ANKS1B: variants seen among roughly 807,000 people sequenced by gnomAD.
ANKS1B encodes the protein ankyrin repeat and sterile alpha motif domain containing 1B, also known as ankyrin repeat and sterile alpha motif domain-containing protein 1B.
ANKS1B carries 36 observed loss-of-function variants against 148.3 expected under a neutral mutation model. The ratio of observed to expected loss-of-function variants is 0.24; its 90% CI spans 0.19 to 0.32. The LOEUF (loss-of-function observed/expected upper bound fraction) is 0.32, where lower values mean the gene tolerates loss of function less well. Ranked by LOEUF, ANKS1B falls within the 10% of genes least tolerant of loss-of-function variation. The pLI is 1.00. For synonymous variants in ANKS1B, 542 were observed against 560.8 expected (o/e 0.97, Z 0.47); for missense variants, 1,157 against 1,542.6 (o/e 0.75, Z 4.19).
At chr12:99,144,884 C>G (rs924127325) in intron 15 of ANKS1B, among the ~76,000 whole-genome samples, 1 of 152,024 alleles carries the variant, frequency 6.6e-6, no homozygotes, top group African/African-American at 2.4e-5. Context: ...GGAACCAACC[C>G]TGCTGGCACT....
chr12:99,260,282 T>A (rs546348305), intron 12 of ANKS1B, among the ~76,000 whole-genome samples: 56 of 152,320 alleles, frequency 3.7e-4, no homozygotes, highest in Non-Finnish European at 7.5e-4. Flanking sequence ...AGAAACTATT[T>A]TTAATTACTC....
chr12:99,257,683 C>G lies in ANKS1B; in HGVS notation c.1757-10819G>C, dbSNP rs145858437. ...TCTGTGTTATTTTTGTTGATATCTACTTATAGTGGTTTGCTTTTCAAGGTA... is the reference window on the plus strand; with the variant it reads ...TCTGTGTTATTTTTGTTGATATCTAGTTATAGTGGTTTGCTTTTCAAGGTA... On this transcript the variant is annotated intron_variant, in intron 12 of 26. Coordinates refer to ENST00000683438, the MANE Select transcript of ANKS1B (RefSeq NM_001352186.2). Among the ~76,000 whole-genome samples, 53 of 152,058 alleles carry G rather than the reference C, an allele frequency of 3.5e-4. 2 individuals carry two copies. The East Asian group carries it at 0.01, about 29-fold the overall frequency.
chr12:99,255,207 TGAAGTTTTTTA>T (rs1444355916), intron 12 of ANKS1B, among the ~76,000 whole-genome samples: 2 of 152,162 alleles, frequency 1.3e-5, no homozygotes, highest in Non-Finnish European at 2.9e-5. Context: ...TATACCTTTT[TGAAGTTTTTTA>T]AAGTTTTAAT....
rs3049844 is a variant in ANKS1B, at chr12:98,800,675, G to GATATATATATATATATATATATATATAT, written c.3270+321_3270+322insATATATATATATATATATATATATATAT. Among the ~76,000 whole-genome samples the GATATATATATATATATATATATATATAT allele has an allele frequency of 1.1e-3, 113 of 99,638 alleles. 5 individuals are homozygous for GATATATATATATATATATATATATATAT. Among genetic ancestry groups the GATATATATATATATATATATATATATAT allele is most frequent in the African/African-American group, 2.5e-3 (73 of 29,474 alleles). 65.4% of individuals were successfully genotyped at this position (99,638 alleles called of 152,430 possible). A position where few individuals can be genotyped will look rare whatever the true frequency, so the allele number is the denominator to read the frequency against. On this transcript the variant is annotated intron_variant, in intron 21 of 26. Transcript: ENST00000683438. ...ACCCAGTGTTTGGTGAGTGAGCAGA[G>GATATATATATATATATATATATATATAT]ATATATATATATATATGCCATATTT...
intron 25 of ANKS1B, among the ~76,000 whole-genome samples, chr12:98,759,874 G>A (rs559019041): frequency 6.6e-6 from 1 of 152,220 alleles, no homozygotes; most frequent in East Asian, 1.9e-4. Context: ...CAGCTACTCG[G>A]GGGGCTGAGG....
chr12:99,482,788 G>A (rs1053216282), intron 10 of ANKS1B, among the ~76,000 whole-genome samples: 5 of 151,996 alleles, frequency 3.3e-5, no homozygotes, highest in East Asian at 3.9e-4. Flanking sequence ...AAGGGATTGA[G>A]TTATTGATTT....
At chr12:98,739,885 T>G (rs1419541863), downstream of ANKS1B, among the ~76,000 whole-genome samples, 1 of 152,238 alleles carries the variant, frequency 6.6e-6, no homozygotes, top group Admixed American at 6.5e-5. Context: ...CTGCTGCTTC[T>G]GCTCCATGGC....
Position 99,403,429 on chromosome 12 carries a change from T to C in ANKS1B, c.1576-3618A>G, listed in dbSNP as rs1399338701. Among the ~76,000 whole-genome samples, 2 of 144,520 alleles carry C rather than the reference T, an allele frequency of 1.4e-5. 1 individual carries two copies. The highest frequency in any genetic ancestry group is 3.0e-5 in the Non-Finnish European group (2 of 65,750). 94.8% of individuals were successfully genotyped at this position (144,520 alleles called of 152,430 possible). A position where few individuals can be genotyped will look rare whatever the true frequency, so the allele number is the denominator to read the frequency against. On this transcript the variant is annotated intron_variant, in intron 11 of 26. Transcript: ENST00000683438. ...ACCTCATCCTCCCAAAGTGCTGGGA[T>C]TACAGGCGTGAACGACCATACCCAG...
At chr12:99,057,971 G>GA (rs965481830) in intron 16 of ANKS1B, among the ~76,000 whole-genome samples, 14 of 152,004 alleles carry the variant, frequency 9.2e-5, no homozygotes, top group Non-Finnish European at 1.8e-4. Flanking sequence ...CCGTGAGTAA[G>GA]AAAAAAATAT....
chr12:99,806,563 G>C lies in ANKS1B; in HGVS notation c.510C>G (p.Leu170=). The change falls in exon 4 of 27, where the codon CTC becomes CTG. Residue 170 remains leucine, a synonymous_variant. Transcript: ENST00000683438. ...TTTTTACCACTCTAAGCCGTCCGTAGAGTGCCGCCAAGTCCAAAGGTGTTT... is the reference window on the plus strand; with the variant it reads ...TTTTTACCACTCTAAGCCGTCCGTACAGTGCCGCCAAGTCCAAAGGTGTTT... The part of the protein sequence containing the change: ...KLETPLDLAA[L]YGRLRVVKMI... The C allele has an allele frequency of 1.2e-6, 2 of 1,613,950 alleles. No homozygotes were observed.
At chr12:99,688,076 C>A (rs2098659467) in intron 8 of ANKS1B, among the ~76,000 whole-genome samples, 1 of 152,216 alleles carries the variant, frequency 6.6e-6, no homozygotes. Flanking sequence ...TCTGAGTACT[C>A]TTCCAGTGCC....
intron 8 of ANKS1B, among the ~76,000 whole-genome samples, chr12:99,740,893 T>G (rs1480095693): frequency 6.6e-6 from 1 of 152,006 alleles, no homozygotes; most frequent in Non-Finnish European, 1.5e-5. Flanking sequence ...TCCCACTGTT[T>G]TTACAACCCA....
intron 17 of ANKS1B, among the ~76,000 whole-genome samples, chr12:98,918,871 T>C (rs1021223029): frequency 6.6e-6 from 1 of 152,246 alleles, no homozygotes; most frequent in Non-Finnish European, 1.5e-5. Flanking sequence ...AGCTTGTTTA[T>C]GTCTTTTTGT....
At chr12:99,772,883 G>A in intron 8 of ANKS1B, 39 bp downstream of exon 8, 1 of 1,584,976 alleles carries the variant, frequency 6.3e-7, no homozygotes, top group Non-Finnish European at 8.6e-7. Flanking sequence ...AACTGGCAAA[G>A]ACAGACACAT....
At chr12:99,400,242 A>AT (rs2094366839) in intron 11 of ANKS1B, among the ~76,000 whole-genome samples, 2 of 113,048 alleles carry the variant, frequency 1.8e-5, no homozygotes, top group African/African-American at 3.7e-5. Context: ...AGGCAGTTCC[A>AT]TTTTTTTATT....
At chr12:98,747,915 T>C (rs534146509) in intron 26 of ANKS1B, among the ~76,000 whole-genome samples, 9 of 152,040 alleles carry the variant, frequency 5.9e-5, no homozygotes, top group South Asian at 4.2e-4. Flanking sequence ...CTCATGGAGA[T>C]TGAGTAGAAT....
chr12:99,202,394 T>C (rs1044410146), intron 14 of ANKS1B, among the ~76,000 whole-genome samples: 2 of 152,204 alleles, frequency 1.3e-5, no homozygotes, highest in African/African-American at 2.4e-5. Context: ...TTTACACACA[T>C]TGGCTACTTC....
chr12:98,971,008 A>G (rs1243579916), intron 17 of ANKS1B, among the ~76,000 whole-genome samples: 2 of 152,192 alleles, frequency 1.3e-5, no homozygotes, highest in African/African-American at 4.8e-5. Context: ...CACAGTGGAT[A>G]ATGAAAGTTT....
At chr12:99,564,787 A>C (rs907331662) in intron 9 of ANKS1B, among the ~76,000 whole-genome samples, 2 of 152,118 alleles carry the variant, frequency 1.3e-5, no homozygotes, top group Admixed American at 1.3e-4. Context: ...TATATCTTGA[A>C]ATTTTTCAAA....
Sources: gnomAD v4.1 joint callset for allele counts (sites outside exome capture counted in the v4.1 genomes callset) on GRCh38, gnomAD v4.1.1 for gene constraint, MANE v1.5 for transcripts, NCBI Gene and HGNC (gene_info 2026-07-23, HGNC 2026-07-21) for gene names.